The following COG6 variants were observed in gnomAD, a reference collection of about 807,000 sequenced individuals.
COG6 encodes conserved oligomeric Golgi complex subunit 6.
COG6 carries 74 observed loss-of-function variants against 88.8 expected under a neutral mutation model. The ratio of observed to expected loss-of-function variants is 0.83; its 90% CI spans 0.69 to 1.01. The LOEUF is 1.01. Ranked by LOEUF, COG6 falls within the 50% of genes least tolerant of loss-of-function variation. The pLI, the probability that COG6 is intolerant of heterozygous loss-of-function variation, is 0.00. For synonymous variants in COG6, 286 were observed against 278.7 expected (o/e 1.03, Z -0.26); for missense variants, 800 against 797.9 (o/e 1.00, Z -0.03).
At chr13:39,708,079 AGT>A (rs2138052970) in intron 13 of COG6, among the ~76,000 whole-genome samples, 1 of 152,234 alleles carries the variant, frequency 6.6e-6, no homozygotes, top group African/African-American at 2.4e-5. Flanking sequence ...CATTGTAGAA[AGT>A]GTGTGGTGGT....
chr13:39,734,540 GA>G (rs1472880740), intron 18 of COG6, among the ~76,000 whole-genome samples: 1 of 152,132 alleles, frequency 6.6e-6, no homozygotes, highest in Non-Finnish European at 1.5e-5. Flanking sequence ...CCTTGAGAAT[GA>G]TCTATGTGCT....
At chr13:39,734,997 G>T (rs564793826) in intron 18 of COG6, among the ~76,000 whole-genome samples, 2 of 151,322 alleles carry the variant, frequency 1.3e-5, no homozygotes, top group Non-Finnish European at 3.0e-5. Context: ...GTCTGCTTTT[G>T]TAGATGAAGT....
chr13:39,738,699 A>G (rs1879894200), intron 18 of COG6, among the ~76,000 whole-genome samples: 1 of 152,210 alleles, frequency 6.6e-6, no homozygotes, highest in Admixed American at 6.5e-5. Context: ...TAAAAGGATG[A>G]CAAAAGATAT....
chr13:39,703,179 C>T (rs1446444457), intron 13 of COG6, among the ~76,000 whole-genome samples: 1 of 152,040 alleles, frequency 6.6e-6, no homozygotes, highest in Admixed American at 6.6e-5. Context: ...CTCACATTTA[C>T]CTCACTTATT....
chr13:39,761,571 G>T (rs9548928), intron 18 of COG6, among the ~76,000 whole-genome samples: 62,844 of 151,610 alleles, frequency 0.41, 13,381 homozygotes, highest in Admixed American at 0.56. Context: ...CACAGTAAAA[G>T]AAATAATCAA....
At chr13:39,731,729 G>A (rs1201894017) in intron 18 of COG6, among the ~76,000 whole-genome samples, 1 of 152,012 alleles carries the variant, frequency 6.6e-6, no homozygotes, top group African/African-American at 2.4e-5. Flanking sequence ...ATTTTTTTGA[G>A]AGAAATTGAA....
chr13:39,789,356 A>C (rs1881869574), exon 19 of COG6: 2 of 152,262 alleles, frequency 1.3e-5, no homozygotes, highest in African/African-American at 4.8e-5. Flanking sequence ...AGAATCATGC[A>C]GCAATGATGT....
At chr13:39,785,560 A>C (rs973441986) in intron 18 of COG6, 3 of 152,192 alleles carry the variant, frequency 2.0e-5, no homozygotes, top group Admixed American at 6.6e-5. Context: ...TCTAGTTACT[A>C]TTCAGGAGTT....
intron 13 of COG6, among the ~76,000 whole-genome samples, chr13:39,716,458 T>C (rs1878534445): frequency 6.6e-6 from 1 of 152,136 alleles, no homozygotes; most frequent in African/African-American, 2.4e-5. Flanking sequence ...TGCTAGTCTC[T>C]GCTTTTTGAT....
chr13:39,666,560 C>T (rs1272612682), intron 4 of COG6, among the ~76,000 whole-genome samples: 1 of 152,152 alleles, frequency 6.6e-6, no homozygotes, highest in Admixed American at 6.5e-5. Context: ...TGACCCCCAA[C>T]TCCTTAGTTT....
At position 39,751,550 on chromosome 13, in the gene COG6, T is replaced by G; in HGVS notation, c.*457T>G. On this transcript the variant is annotated 3_prime_UTR_variant, in exon 19 of 19. Coordinates refer to ENST00000455146, the MANE Select transcript of COG6 (RefSeq NM_020751.3). ...TATGAGTAGGCATACTTAGTAGCTT[T>G]TCTGAACCTAGCCTATGTCTCTGTC... 7.8e-7 allele frequency: 1 copy of G among 1,287,236 alleles called. No homozygotes were observed. The highest frequency in any genetic ancestry group is 1.0e-6 in the Non-Finnish European group (1 of 988,716). 79.7% of individuals were successfully genotyped at this position (1,287,236 alleles called of 1,614,324 possible). A position where few individuals can be genotyped will look rare whatever the true frequency, so the allele number is the denominator to read the frequency against.
chr13:39,774,468 G>T (rs1881406038), intron 18 of COG6, among the ~76,000 whole-genome samples: 1 of 152,016 alleles, frequency 6.6e-6, no homozygotes, highest in Non-Finnish European at 1.5e-5. Context: ...TTTTATGCTG[G>T]TTCTTTTGTA....
At chr13:39,763,028 C>A (rs1033036970) in intron 18 of COG6, among the ~76,000 whole-genome samples, 4 of 151,534 alleles carry the variant, frequency 2.6e-5, no homozygotes, top group African/African-American at 9.7e-5. Flanking sequence ...CTTTCAGAAT[C>A]TATTGAGATG....
intron 18 of COG6, among the ~76,000 whole-genome samples, chr13:39,729,506 T>G (rs963640901): frequency 6.6e-6 from 1 of 152,198 alleles, no homozygotes; most frequent in African/African-American, 2.4e-5. Flanking sequence ...ACAGATAAAT[T>G]ATTCTTAATA....
chr13:39,786,578 A>G (rs1258245156), intron 18 of COG6, among the ~76,000 whole-genome samples: 2 of 152,074 alleles, frequency 1.3e-5, no homozygotes, highest in Admixed American at 6.6e-5. Context: ...AGAAAATGGT[A>G]CTCACTTATA....
At chr13:39,664,647 T>C (rs1356563097) in intron 3 of COG6, among the ~76,000 whole-genome samples, 1 of 152,210 alleles carries the variant, frequency 6.6e-6, no homozygotes, top group Non-Finnish European at 1.5e-5. Context: ...GTTTGTATAT[T>C]ACAACTTTCA....
chr13:39,736,992 G>C (rs1280807821), intron 18 of COG6, among the ~76,000 whole-genome samples: 1 of 152,154 alleles, frequency 6.6e-6, no homozygotes, highest in East Asian at 1.9e-4. Flanking sequence ...AAGGGGACTT[G>C]TGAATTAAGT....
At chr13:39,703,284 A>G (rs112322612) in intron 13 of COG6, among the ~76,000 whole-genome samples, 5 of 152,174 alleles carry the variant, frequency 3.3e-5, no homozygotes, top group African/African-American at 1.2e-4. Context: ...AAAAATCTTT[A>G]CCAACATGAC....
At chr13:39,709,404 A>G (rs901251345) in intron 13 of COG6, among the ~76,000 whole-genome samples, 6 of 152,028 alleles carry the variant, frequency 3.9e-5, no homozygotes, top group African/African-American at 1.4e-4. Context: ...TGAGTACTGT[A>G]TATTGCACCC....
Sources: allele counts gnomAD v4.1 joint callset (sites outside exome capture counted in the v4.1 genomes callset), GRCh38; gene constraint gnomAD v4.1.1; transcripts MANE v1.5; gene names NCBI Gene and HGNC (gene_info 2026-07-23, HGNC 2026-07-21).